The following PAX3 variants were observed in gnomAD, a reference collection of about 807,000 sequenced individuals.
PAX3 encodes the protein paired box protein Pax-3.
Under a neutral mutation model 51.6 loss-of-function variants are expected in PAX3, and 14 were observed. The ratio of observed to expected loss-of-function variants is 0.27; its 90% CI spans 0.18 to 0.42. The LOEUF is 0.42. Ranked by LOEUF, PAX3 falls within the 10% of genes least tolerant of loss-of-function variation. PAX3 has a pLI of 1.00. For synonymous variants in PAX3, 280 were observed against 253.4 expected, an observed-to-expected ratio of 1.11 and a Z score of -1.00; for missense variants, 540 against 642.8, an observed-to-expected ratio of 0.84 and a Z score of 1.73.
chr2:222,293,880 C>G, intron 4 of PAX3: 1 of 1,605,450 alleles, frequency 6.2e-7, no homozygotes, highest in Non-Finnish European at 8.5e-7. Flanking sequence ...GCTTCCCCTG[C>G]CCCCTACAAC....
In PAX3 at chr2:222,239,206, C is replaced by T. The variant is rs76503946; in HGVS notation, c.587-6923G>A. Reference sequence around the variant, plus strand: ...CTGAGGCCTATTCTACCGATTTCCACGCTCCATCTGTGGAATCCATCAGCA... The same window carrying T: ...CTGAGGCCTATTCTACCGATTTCCATGCTCCATCTGTGGAATCCATCAGCA... On this transcript the variant is annotated intron_variant, in intron 4 of 8. Transcript: ENST00000392070. Among the ~76,000 whole-genome samples the T allele has an allele frequency of 2.3e-3, 351 of 152,286 alleles. 3 individuals carry two copies. The East Asian group carries it at 0.047, about 20-fold the overall frequency.
At chr2:222,209,851 G>A (rs779815830) in intron 7 of PAX3, among the ~76,000 whole-genome samples, 17 of 151,324 alleles carry the variant, frequency 1.1e-4, no homozygotes, top group Admixed American at 2.6e-4. Flanking sequence ...TGATTGCACC[G>A]CTGTACTCCA....
chr2:222,279,984 G>A (rs1694577168), intron 4 of PAX3, among the ~76,000 whole-genome samples: 1 of 152,162 alleles, frequency 6.6e-6, no homozygotes, highest in South Asian at 2.1e-4. Flanking sequence ...GCTGAGGTGG[G>A]TGGATCACCT....
chr2:222,235,590 ACTAGCATAGCT>A (rs200012082), intron 4 of PAX3, among the ~76,000 whole-genome samples: 3,409 of 152,228 alleles, frequency 0.022, 53 homozygotes, highest in Non-Finnish European at 0.034. Context: ...AAAGATGAAA[ACTAGCATAGCT>A]AGTAATGAAA....
chr2:222,287,618 T>C (rs542499156), intron 4 of PAX3: 16 of 152,358 alleles, frequency 1.1e-4, no homozygotes, highest in African/African-American at 3.8e-4. Context: ...TCTAATGCTA[T>C]ATCTAGACCC....
At chr2:222,240,103 T>C (rs1434403941) in intron 4 of PAX3, among the ~76,000 whole-genome samples, 1 of 152,214 alleles carries the variant, frequency 6.6e-6, no homozygotes, top group East Asian at 1.9e-4. Context: ...AAATAAACCC[T>C]GACACTCAAC....
chr2:222,214,548 T>A (rs1256690146), intron 7 of PAX3: 1 of 152,112 alleles, frequency 6.6e-6, no homozygotes, highest in East Asian at 1.9e-4. Context: ...AGCTATCTGC[T>A]CTTTCTGGGT....
chr2:222,293,390 G>A (rs752617363), intron 4 of PAX3, among the ~76,000 whole-genome samples: 11 of 152,208 alleles, frequency 7.2e-5, no homozygotes, highest in African/African-American at 1.2e-4. Flanking sequence ...GATGGCTTGC[G>A]GCAGGTGAAG....
intron 4 of PAX3, among the ~76,000 whole-genome samples, chr2:222,281,730 T>C (rs1694654048): frequency 6.6e-6 from 1 of 152,250 alleles, no homozygotes; most frequent in Non-Finnish European, 1.5e-5. Context: ...CCACAAACTA[T>C]GAGCCTGATT....
At position 222,294,174 on chromosome 2, in the gene PAX3, G is replaced by C. The variant is rs80081387; in HGVS notation, c.579C>G (p.Ser193Arg). 1 of 1,614,084 alleles carries C rather than the reference G, an allele frequency of 6.2e-7. No homozygotes were observed. Among genetic ancestry groups the C allele is most frequent in the Non-Finnish European group, 8.5e-7 (1 of 1,180,044 alleles). ...CAAGGCGCCACCGCTTACCTCGCTC[G>C]CTCAGGATGCCGTCGATGCTGTGTT... Reference protein sequence around the residue: ...KAKHSIDGILSERASAPQSDE... With the variant: ...KAKHSIDGILRERASAPQSDE... The change falls in exon 4 of 9, where the codon AGC becomes AGG. Residue 193 changes from serine (S) to arginine (R), a missense_variant. This residue lies in a region of PAX3 where 427 missense variants were observed against 483.6 expected (regional missense o/e 0.88). Transcript: ENST00000392070.
chr2:222,260,565 G>GTTTTTTTTTTTGTTTTTTTTTTTTTT (rs1693810480), intron 4 of PAX3, among the ~76,000 whole-genome samples: 1 of 55,844 alleles, frequency 1.8e-5, no homozygotes, highest in Non-Finnish European at 3.6e-5. Context: ...TTTTTTTTTT[G>GTTTTTTTTTTTGTTTTTTTTTTTTTT]TTTTTTTTTT....
At chr2:222,203,111 A>C (rs1284386782) in intron 7 of PAX3, among the ~76,000 whole-genome samples, 1 of 140,700 alleles carries the variant, frequency 7.1e-6, no homozygotes, top group East Asian at 2.2e-4. Flanking sequence ...TAAAAAGTTC[A>C]GTTTGTAAAT....
At position 222,250,829 on chromosome 2, in the gene PAX3, T is replaced by C. The variant is rs188929821; in HGVS notation, c.587-18546A>G. ...AGAAACTAAATTTCTCTACATTTCT[T>C]CACACTTCCAAATAAATAAAACACA... is the stretch of plus-strand genomic sequence containing the variant. On this transcript the variant is annotated intron_variant, in intron 4 of 8. Transcript: ENST00000392070. Among the ~76,000 whole-genome samples, 41 of 152,308 alleles carry C rather than the reference T, an allele frequency of 2.7e-4. 1 individual carries two copies. The East Asian group carries it at 3.1e-3, about 11-fold the overall frequency.
chr2:222,221,994 C>A (rs1480155462), intron 5 of PAX3, among the ~76,000 whole-genome samples: 1 of 151,376 alleles, frequency 6.6e-6, no homozygotes, highest in Non-Finnish European at 1.5e-5. Flanking sequence ...GAAATGAAAG[C>A]CTTTTTTTAT....
intron 4 of PAX3, among the ~76,000 whole-genome samples, chr2:222,283,451 A>G (rs561175474): frequency 3.9e-5 from 6 of 152,364 alleles, no homozygotes; most frequent in African/African-American, 1.4e-4. Context: ...ACATCCATTT[A>G]TATCTTCTGA....
At chr2:222,247,015 C>T (rs1388185905) in intron 4 of PAX3, among the ~76,000 whole-genome samples, 2 of 152,176 alleles carry the variant, frequency 1.3e-5, no homozygotes, top group East Asian at 3.8e-4. Context: ...ACTCAGGTGT[C>T]TAATTCATCC....
chr2:222,244,047 T>G (rs1693120801), intron 4 of PAX3, among the ~76,000 whole-genome samples: 1 of 152,154 alleles, frequency 6.6e-6, no homozygotes, highest in African/African-American at 2.4e-5. Flanking sequence ...TGCAAAAGTA[T>G]AAGTCTCCTG....
intron 4 of PAX3, chr2:222,287,488 G>T (rs1230151614): frequency 2.0e-5 from 3 of 152,224 alleles, no homozygotes; most frequent in Admixed American, 2.0e-4. Flanking sequence ...CCAACTTGGA[G>T]CTGGAAGATG....
chr2:222,278,873 A>G (rs929741768), intron 4 of PAX3, among the ~76,000 whole-genome samples: 2 of 152,238 alleles, frequency 1.3e-5, no homozygotes, highest in African/African-American at 4.8e-5. Context: ...AGCGTCCTTT[A>G]GAAAAGAGCA....
Sources: gnomAD v4.1 joint callset for allele counts (sites outside exome capture counted in the v4.1 genomes callset) on GRCh38, gnomAD v4.1.1 for gene constraint, gnomAD v4.1.1 regional missense constraint, MANE v1.5 for transcripts, NCBI Gene and HGNC (gene_info 2026-07-23, HGNC 2026-07-21) for gene names.